Variants in RCSD1 observed in about 807,000 individuals in gnomAD.
The protein encoded by RCSD1 is capZ-interacting protein.
Under a neutral mutation model 42.5 loss-of-function variants are expected in RCSD1, and 26 were observed. The ratio of observed to expected loss-of-function variants is 0.61; its 90% CI spans 0.45 to 0.85. The LOEUF (loss-of-function observed/expected upper bound fraction) is 0.85, where lower values mean the gene tolerates loss of function less well. RCSD1 is among the 40% of genes least tolerant of loss of function. The pLI is 0.00. For missense variants in RCSD1, 571 were observed against 528.3 expected, an observed-to-expected ratio of 1.08 and a Z score of -0.79; for synonymous variants, 220 against 212.2, an observed-to-expected ratio of 1.04 and a Z score of -0.32.
At chr1:167,652,883 T>G (rs1258833051) in intron 1 of RCSD1, among the ~76,000 whole-genome samples, 1 of 152,226 alleles carries the variant, frequency 6.6e-6, no homozygotes, top group African/African-American at 2.4e-5. Flanking sequence ...GGCTTCTAAT[T>G]TTTCACTTTT....
chr1:167,690,001 C>T (rs376187669), intron 3 of RCSD1, 48 bp from the exon 4 acceptor site: 22 of 1,592,132 alleles, frequency 1.4e-5, no homozygotes, highest in Non-Finnish European at 1.9e-5. Flanking sequence ...CAGAACCCCA[C>T]TTTCCTCACC....
chr1:167,653,987 C>T (rs1176844131), intron 1 of RCSD1, among the ~76,000 whole-genome samples: 1 of 152,168 alleles, frequency 6.6e-6, no homozygotes, highest in Non-Finnish European at 1.5e-5. Context: ...TCTGCTGCAG[C>T]TTTGTCACCT....
Position 167,697,779 on chromosome 1 carries a change from C to A in RCSD1, c.1155C>A (p.Thr385=), listed in dbSNP as rs775053671. Residue 385 remains threonine, a synonymous_variant, in exon 6 of 7, where the codon ACC becomes ACA. Transcript: ENST00000367854. ...AVLEPGCSPQ[T]GPAQLETSSE... ...TCGAGCCAGGCTGCAGCCCCCAGAC[C>A]GGCCCTGCCCAGCTGGAGACCAGCA... is the stretch of plus-strand genomic sequence containing the variant. 1.3e-6 allele frequency: 2 copies of A among 1,493,232 alleles called. No individual in the cohort carries two copies. Among genetic ancestry groups the A allele is most frequent in the Non-Finnish European group, 1.8e-6 (2 of 1,123,876 alleles). The allele number at this position is 1,493,232 out of a possible 1,614,324, so 92.5% of individuals were successfully genotyped here.
At chr1:167,653,499 G>A (rs989075118) in intron 1 of RCSD1, among the ~76,000 whole-genome samples, 2 of 152,212 alleles carry the variant, frequency 1.3e-5, no homozygotes, top group Non-Finnish European at 2.9e-5. Flanking sequence ...AGGCATTGTA[G>A]CCCAGTTACT....
At chr1:167,654,655 A>C (rs1658383127) in intron 1 of RCSD1, among the ~76,000 whole-genome samples, 1 of 152,190 alleles carries the variant, frequency 6.6e-6, no homozygotes, top group African/African-American at 2.4e-5. Flanking sequence ...ATATAAACCA[A>C]GAAAAGTCAT....
intron 1 of RCSD1, among the ~76,000 whole-genome samples, chr1:167,668,651 A>G (rs983841398): frequency 5.3e-5 from 8 of 151,674 alleles, no homozygotes; most frequent in Non-Finnish European, 8.8e-5. Flanking sequence ...GACTCTTTTG[A>G]TTTGGTTCAT....
At chr1:167,651,893 G>A (rs1658318056) in intron 1 of RCSD1, among the ~76,000 whole-genome samples, 1 of 152,100 alleles carries the variant, frequency 6.6e-6, no homozygotes, top group African/African-American at 2.4e-5. Context: ...TCTGGGGGTT[G>A]GGTCCAGGTG....
intron 1 of RCSD1, among the ~76,000 whole-genome samples, chr1:167,672,390 T>G (rs145560669): frequency 3.3e-5 from 5 of 152,338 alleles, no homozygotes; most frequent in African/African-American, 1.2e-4. Flanking sequence ...GAACTTATTA[T>G]CTTAGAGTTC....
At position 167,685,439 on chromosome 1, in the gene RCSD1, A is replaced by G. The variant is rs1409923982; in HGVS notation, c.127A>G (p.Thr43Ala). ...AAKETPASKP[T>A]RRKPPCSLPL... is the part of the protein sequence containing the mutation. ...CCTCCAGACACCAGCCAGTAAACCA[A>G]CCCGAAGGAAACCGCCCTGTTCCCT... is the stretch of plus-strand genomic sequence containing the variant. The change falls in exon 3 of 7, where the codon ACC (threonine) becomes GCC (alanine). Residue 43 changes from threonine (T) to alanine (A), a missense_variant. Physicochemically the swap from Thr to Ala is moderately conservative, Grantham distance 58. Coordinates refer to ENST00000367854, the MANE Select transcript of RCSD1 (RefSeq NM_052862.4). The G allele has an allele frequency of 2.5e-6, 4 of 1,613,438 alleles. No homozygotes were observed. The highest frequency in any genetic ancestry group is 1.3e-5 in the African/African-American group (1 of 74,786).
chr1:167,650,783 G>A (rs1043018043), intron 1 of RCSD1, among the ~76,000 whole-genome samples: 1 of 152,226 alleles, frequency 6.6e-6, no homozygotes. Flanking sequence ...AGGGGTGAGC[G>A]GAGTGTGCGT....
chr1:167,671,677 C>A (rs1158277227), intron 1 of RCSD1, among the ~76,000 whole-genome samples: 1 of 152,220 alleles, frequency 6.6e-6, no homozygotes, highest in Non-Finnish European at 1.5e-5. Context: ...CTGAAGACCA[C>A]TCCTGAACCC....
At chr1:167,666,979 C>A (rs912068656) in intron 1 of RCSD1, among the ~76,000 whole-genome samples, 5 of 152,240 alleles carry the variant, frequency 3.3e-5, no homozygotes, top group African/African-American at 1.2e-4. Context: ...TGCAATAGAA[C>A]TTTCAAGTGA....
intron 1 of RCSD1, among the ~76,000 whole-genome samples, chr1:167,659,874 T>TTAC (rs1475293965): frequency 6.6e-6 from 1 of 152,102 alleles, no homozygotes; most frequent in Non-Finnish European, 1.5e-5. Flanking sequence ...CCTCCCAGGG[T>TTAC]TACAGGGTCT....
intron 1 of RCSD1, among the ~76,000 whole-genome samples, chr1:167,680,132 A>C (rs918431822): frequency 6.6e-6 from 1 of 152,102 alleles, no homozygotes; most frequent in Non-Finnish European, 1.5e-5. Flanking sequence ...GGGCCCAGGA[A>C]GATGGAGTAC....
chr1:167,669,544 A>G (rs935534323), intron 1 of RCSD1, among the ~76,000 whole-genome samples: 5 of 152,188 alleles, frequency 3.3e-5, no homozygotes, highest in East Asian at 1.9e-4. Context: ...TTCACTTTAC[A>G]TGGAGTACTA....
At chr1:167,693,552 T>A (rs1250202445) in intron 4 of RCSD1, among the ~76,000 whole-genome samples, 14 of 152,230 alleles carry the variant, frequency 9.2e-5, no homozygotes, top group Non-Finnish European at 1.8e-4. Flanking sequence ...GGGAACCTGA[T>A]ACCTGGAGGC....
intron 4 of RCSD1, 55 bp from the exon 5 acceptor site, chr1:167,694,044 G>A: frequency 6.4e-7 from 1 of 1,567,406 alleles, no homozygotes; most frequent in African/African-American, 1.4e-5. Flanking sequence ...AGCTAAAGTA[G>A]AGGCTCTGAT....
chr1:167,690,143 A>G (rs1210071207), intron 4 of RCSD1, 23 bp downstream of exon 4: 2 of 1,610,510 alleles, frequency 1.2e-6, no homozygotes, highest in Non-Finnish European at 1.7e-6. Context: ...TTCATTGTCT[A>G]TTGCTACCTT....
At position 167,684,653 on chromosome 1, in the gene RCSD1, T is replaced by C. The variant is rs1659178175; in HGVS notation, c.108+652T>C. 2.6e-5 allele frequency among the ~76,000 whole-genome samples: 4 copies of C among 152,242 alleles called. No individual in the cohort carries two copies. The South Asian group carries it at 8.3e-4, about 32-fold the overall frequency. ...ACTTTGGGAGGCCGAGGCAGGCAGA[T>C]CACTTAAGGTTGGGAGTTCGCGACC... is the stretch of plus-strand genomic sequence containing the variant. On this transcript the variant is annotated intron_variant, in intron 2 of 6. Transcript: ENST00000367854.
Sources: gnomAD v4.1 joint callset for allele counts (sites outside exome capture counted in the v4.1 genomes callset) on GRCh38, gnomAD v4.1.1 for gene constraint, MANE v1.5 for transcripts, NCBI Gene and HGNC (gene_info 2026-07-23, HGNC 2026-07-21) for gene names.